The following EEF1AKMT4 variants were observed in gnomAD, a reference collection of about 807,000 sequenced individuals.
EEF1AKMT4 encodes the protein eukaryotic translation elongation factor 1 alpha lysine specific methyltransferase 4.
Under a neutral mutation model 23.0 loss-of-function variants are expected in EEF1AKMT4, and 17 were observed. The observed-to-expected ratio is 0.74, with a 90% CI of 0.51 to 1.11. EEF1AKMT4 has a LOEUF of 1.11. Ranked by LOEUF, EEF1AKMT4 falls within the 50% of genes least tolerant of loss-of-function variation. EEF1AKMT4 has a pLI of 0.00. For missense variants in EEF1AKMT4, 318 were observed against 333.4 expected, an observed-to-expected ratio of 0.95 and a Z score of 0.36; for synonymous variants, 140 against 141.4, an observed-to-expected ratio of 0.99 and a Z score of 0.07.
chr3:184,258,432 T>G lies in EEF1AKMT4; in HGVS notation c.625T>G (p.Tyr209Asp). ...TGGCAGCGGTTTCCACTTCCATCTC[T>G]ACCTCATGCACAAGGGCGGGAAGCT... Reference protein sequence around the residue: ...TYGSGFHFHLYLMHKGGKLSV... With the variant: ...TYGSGFHFHLDLMHKGGKLSV... Residue 209 changes from tyrosine to aspartate, a missense_variant, in exon 3 of 3, where the codon TAC becomes GAC. Transcript: ENST00000324557. The G allele has an allele frequency of 6.2e-7, 1 of 1,613,970 alleles. No individual in the cohort carries two copies. The highest frequency in any genetic ancestry group is 1.1e-5 in the South Asian group (1 of 91,080).
chr3:184,250,538 T>C (rs1338984164), intron 1 of EEF1AKMT4, among the ~76,000 whole-genome samples: 1 of 152,200 alleles, frequency 6.6e-6, no homozygotes, highest in African/African-American at 2.4e-5. Flanking sequence ...GCTGACCTCT[T>C]GAGGTTCTCT....
At chr3:184,253,241 A>G (rs1577114894) in intron 1 of EEF1AKMT4, among the ~76,000 whole-genome samples, 2 of 152,282 alleles carry the variant, frequency 1.3e-5, no homozygotes, top group Middle Eastern at 3.4e-3. Context: ...AAGCAAACAC[A>G]CACCAAAACC....
intron 2 of EEF1AKMT4, among the ~76,000 whole-genome samples, chr3:184,257,967 A>G (rs1719889972): frequency 6.6e-6 from 1 of 152,152 alleles, no homozygotes; most frequent in African/African-American, 2.4e-5. Flanking sequence ...AAAGGCTGAC[A>G]TGTGGTTACT....
intron 1 of EEF1AKMT4, among the ~76,000 whole-genome samples, chr3:184,251,895 T>A (rs1719573812): frequency 6.6e-6 from 1 of 152,222 alleles, no homozygotes; most frequent in African/African-American, 2.4e-5. Context: ...GTTGATTAAA[T>A]GAGCATGAAG....
intron 1 of EEF1AKMT4, among the ~76,000 whole-genome samples, chr3:184,256,907 T>A (rs1289214550): frequency 6.6e-6 from 1 of 152,054 alleles, no homozygotes; most frequent in African/African-American, 2.4e-5. Context: ...TGACCTCAGG[T>A]GACCCGCCCT....
Position 184,249,848 on chromosome 3 carries a change from C to A in EEF1AKMT4, c.154C>A (p.Leu52Ile). ...GGACTTCTCCTCCTTCCGTGCCCTCCTAGAGCCGGAGCTGCGGCCCGAGGA... is the reference window on the plus strand; with the variant it reads ...GGACTTCTCCTCCTTCCGTGCCCTCATAGAGCCGGAGCTGCGGCCCGAGGA... The part of the protein sequence containing the change: ...FGDFSSFRAL[L>I]EPELRPEDRI... The change falls in exon 1 of 3, where the codon CTA becomes ATA. Residue 52 changes from leucine to isoleucine, a missense_variant. Physicochemically the swap from Leu to Ile is conservative, Grantham distance 5. Coordinates refer to ENST00000324557, the MANE Select transcript of EEF1AKMT4 (RefSeq NM_032331.4). The A allele has an allele frequency of 6.2e-7, 1 of 1,613,060 alleles. No individual in the cohort carries two copies. Among genetic ancestry groups the A allele is most frequent in the East Asian group, 2.2e-5 (1 of 44,874 alleles).
Position 184,249,892 on chromosome 3 carries a change from TG to T in EEF1AKMT4, c.196+5del. On this transcript the variant is annotated splice_donor_region_variant and intron_variant, in intron 1 of 2. Transcript: ENST00000324557. ...CCGAGGACCGTATCCTTGTGCTAGG[TG>T]GGTAATCCCGGCGCGGCCCCGCCAG... is the stretch of plus-strand genomic sequence containing the variant. 1.2e-6 allele frequency: 2 copies of T among 1,604,110 alleles called. No individual in the cohort carries two copies. The highest frequency in any genetic ancestry group is 8.5e-7 in the Non-Finnish European group (1 of 1,172,670).
intron 1 of EEF1AKMT4, among the ~76,000 whole-genome samples, chr3:184,254,427 G>A (rs769159547): frequency 9.9e-5 from 15 of 151,880 alleles, no homozygotes; most frequent in Non-Finnish European, 2.1e-4. Flanking sequence ...GGAAGCAGCC[G>A]GGTGCGGTGG....
At chr3:184,250,096 G>A (rs1286885222) in intron 1 of EEF1AKMT4, among the ~76,000 whole-genome samples, 1 of 152,226 alleles carries the variant, frequency 6.6e-6, no homozygotes, top group East Asian at 1.9e-4. Flanking sequence ...GCCCTCTGGA[G>A]AAAGACAGTC....
In EEF1AKMT4 at chr3:184,250,550, C is replaced by T. The variant is rs900550636; in HGVS notation, c.196+660C>T. Among the ~76,000 whole-genome samples the T allele has an allele frequency of 5.9e-5, 9 of 152,182 alleles. No individual in the cohort carries two copies. The South Asian group carries it at 1.7e-3, about 28-fold the overall frequency. On this transcript the variant is annotated intron_variant, in intron 1 of 2. Transcript: ENST00000324557. ...TCGGCTGACCTCTTGAGGTTCTCTC[C>T]TAGTGTCAGCCTTGGAGGCGCTAGT...
At chr3:184,254,315 A>C (rs1041690900) in intron 1 of EEF1AKMT4, among the ~76,000 whole-genome samples, 10 of 152,118 alleles carry the variant, frequency 6.6e-5, no homozygotes, top group African/African-American at 2.2e-4. Context: ...CTCTGTCCCC[A>C]GGCTGGAGTG....
intron 1 of EEF1AKMT4, among the ~76,000 whole-genome samples, chr3:184,250,695 G>C (rs1384032241): frequency 6.6e-6 from 1 of 152,070 alleles, no homozygotes; most frequent in Non-Finnish European, 1.5e-5. Flanking sequence ...TAATATATAT[G>C]TAAGGTATAA....
chr3:184,254,540 T>TAAAAAAA (rs1213250266), intron 1 of EEF1AKMT4, among the ~76,000 whole-genome samples: 1 of 99,128 alleles, frequency 1.0e-5, no homozygotes. Context: ...CCGTCTCTAC[T>TAAAAAAA]AAAAAAAAAA....
In EEF1AKMT4 at chr3:184,257,710, C is replaced by T; in HGVS notation, c.434C>T (p.Thr145Ile). The change falls in exon 2 of 3, where the codon ACC becomes ATC. Residue 145 changes from threonine to isoleucine, a missense_variant. Thr to Ile is a moderately conservative substitution (Grantham distance 89). Coordinates refer to ENST00000324557, the MANE Select transcript of EEF1AKMT4 (RefSeq NM_032331.4). ...ALLAGERDPWTVSSEGVHTVD... is the reference protein window; with the variant it reads ...ALLAGERDPWIVSSEGVHTVD... ...CTGGCTGGGGAACGAGATCCCTGGA[C>T]CGTGTCCTCTGAAGGTGTCCACACT... 1 of 1,614,046 alleles carries T rather than the reference C, an allele frequency of 6.2e-7. No homozygotes were observed. The highest frequency in any genetic ancestry group is 8.5e-7 in the Non-Finnish European group (1 of 1,180,010).
intron 1 of EEF1AKMT4, among the ~76,000 whole-genome samples, chr3:184,252,972 G>T (rs945932550): frequency 5.3e-4 from 71 of 133,738 alleles, no homozygotes; most frequent in Non-Finnish European, 9.7e-4. Context: ...AAAAAAAAAA[G>T]TGAATGAGAA....
intron 1 of EEF1AKMT4, among the ~76,000 whole-genome samples, chr3:184,256,272 C>CAAAAAAAAAAAAAAAAAAAAAA (rs59087969): frequency 1.3e-3 from 72 of 54,056 alleles, no homozygotes; most frequent in Non-Finnish European, 1.8e-3. Context: ...AACTCCATCT[C>CAAAAAAAAAAAAAAAAAAAAAA]AAAAAAAAAA....
At chr3:184,253,554 C>T (rs1334139315) in intron 1 of EEF1AKMT4, among the ~76,000 whole-genome samples, 1 of 152,100 alleles carries the variant, frequency 6.6e-6, no homozygotes, top group African/African-American at 2.4e-5. Flanking sequence ...GGCTCTGGAG[C>T]GATAGAGGCC....
chr3:184,250,729 T>C (rs1046422617), intron 1 of EEF1AKMT4, among the ~76,000 whole-genome samples: 4 of 152,258 alleles, frequency 2.6e-5, no homozygotes, highest in African/African-American at 9.6e-5. Context: ...TGTGTGTGTC[T>C]ATTCCACTCA....
chr3:184,256,240 C>G (rs1268485522), intron 1 of EEF1AKMT4, among the ~76,000 whole-genome samples: 1 of 131,746 alleles, frequency 7.6e-6, no homozygotes, highest in Non-Finnish European at 1.6e-5. Flanking sequence ...CCTCTGCACT[C>G]CAGCCTGGGC....
Sources: gnomAD v4.1 joint callset for allele counts (sites outside exome capture counted in the v4.1 genomes callset) on GRCh38, gnomAD v4.1.1 for gene constraint, MANE v1.5 for transcripts, NCBI Gene and HGNC (gene_info 2026-07-23, HGNC 2026-07-21) for gene names.